The following SARDH variants were observed in gnomAD, a reference collection of about 807,000 sequenced individuals.
SARDH encodes the protein sarcosine dehydrogenase, mitochondrial.
In SARDH, 95 loss-of-function variants were observed where a neutral mutation model predicts 109.1. That is an observed-to-expected ratio of 0.87 (90% confidence interval 0.74 to 1.03). The LOEUF (loss-of-function observed/expected upper bound fraction) is 1.03. SARDH is among the 50% of genes least tolerant of loss of function. SARDH has a pLI of 0.00. For missense variants in SARDH, 1,267 were observed against 1,287.8 expected (o/e 0.98, Z 0.25); for synonymous variants, 572 against 534.8 (o/e 1.07, Z -0.96).
Position 133,714,029 on chromosome 9 carries a change from C to T in SARDH, c.1151-905G>A, listed in dbSNP as rs112180899. 3.3e-3 allele frequency among the ~76,000 whole-genome samples: 497 copies of T among 152,334 alleles called. 3 individuals carry two copies. Among genetic ancestry groups the T allele is most frequent in the African/African-American group, 0.011 (468 of 41,578 alleles). ...AAAATACGATGAACTGAGGGCCACGCGTCACTGAGGTGCCAGCTGCTACTG... is the reference window on the plus strand; with the variant it reads ...AAAATACGATGAACTGAGGGCCACGTGTCACTGAGGTGCCAGCTGCTACTG... On this transcript the variant is annotated intron_variant, in intron 8 of 20. Coordinates refer to ENST00000439388, the MANE Select transcript of SARDH (RefSeq NM_001134707.2).
chr9:133,661,497 T>C (rs1469075413), downstream of SARDH, among the ~76,000 whole-genome samples: 2 of 152,074 alleles, frequency 1.3e-5, no homozygotes, highest in Non-Finnish European at 2.9e-5. Flanking sequence ...TTTGTTGTTT[T>C]TGAGACAGAG....
intron 12 of SARDH, 141 bp from the exon 13 acceptor site, chr9:133,703,170 T>C: frequency 1.4e-6 from 1 of 707,204 alleles, no homozygotes; most frequent in Non-Finnish European, 2.4e-6. Context: ...GCCCGTGTGT[T>C]GTGGACGCGG....
chr9:133,667,187 A>C, intron 19 of SARDH: 1 of 497,814 alleles, frequency 2.0e-6, no homozygotes, highest in Non-Finnish European at 3.5e-6. Flanking sequence ...ATTGTTGTTC[A>C]ACTCTGGTTT....
intron 6 of SARDH, among the ~76,000 whole-genome samples, chr9:133,726,564 G>A (rs372230098): frequency 6.6e-6 from 1 of 152,010 alleles, no homozygotes; most frequent in East Asian, 1.9e-4. Context: ...CCTGCCCCTT[G>A]CACAGATCCT....
At chr9:133,699,993 A>G (rs1831423584) in intron 13 of SARDH, among the ~76,000 whole-genome samples, 1 of 152,358 alleles carries the variant, frequency 6.6e-6, no homozygotes, top group Middle Eastern at 3.4e-3. Context: ...GGATGAGTAA[A>G]ATATGATGGG....
chr9:133,722,499 G>A (rs1319555635), intron 6 of SARDH, among the ~76,000 whole-genome samples: 2 of 152,142 alleles, frequency 1.3e-5, no homozygotes, highest in African/African-American at 2.4e-5. Context: ...TTACATTGGA[G>A]GTTTTAGCCA....
chr9:133,739,924 C>T (rs1047672947), upstream of SARDH: 1 of 152,300 alleles, frequency 6.6e-6, no homozygotes, highest in African/African-American at 2.4e-5. Context: ...CCACACTTCT[C>T]CTGTCCCTGC....
chr9:133,732,333 C>T (rs999874329), intron 3 of SARDH, 90 bp downstream of exon 3: 2 of 1,080,270 alleles, frequency 1.9e-6, no homozygotes, highest in Non-Finnish European at 2.6e-6. Flanking sequence ...CCTACCCCCC[C>T]ACAGGGGGTG....
Position 133,718,813 on chromosome 9 carries a change from G to A in SARDH, c.1020+125C>T. ...GGCTTTGAGCTTGGTGGGGTCAGGG[G>A]ACCGGCCACTTCTCAGGTGTGCCTC... On this transcript the variant is annotated intron_variant, in intron 7 of 20. Coordinates refer to ENST00000439388, the MANE Select transcript of SARDH (RefSeq NM_001134707.2). This position sits in a 1 kb window ranked among gnomAD's most constrained non-coding sequence, Gnocchi z 4.2. 5 of 840,106 alleles carry A rather than the reference G, an allele frequency of 6.0e-6. No individual in the cohort carries two copies. Among genetic ancestry groups the A allele is most frequent in the South Asian group, 4.0e-5 (3 of 75,510 alleles). 52.0% of individuals were successfully genotyped at this position (840,106 alleles called of 1,614,324 possible). A position where few individuals can be genotyped will look rare whatever the true frequency, so the allele number is the denominator to read the frequency against.
chr9:133,735,818 C>T (rs1343563648), intron 1 of SARDH, among the ~76,000 whole-genome samples: 13 of 152,136 alleles, frequency 8.5e-5, no homozygotes, highest in African/African-American at 2.2e-4. Context: ...CCGAGGCAGG[C>T]GGATCACCTG....
chr9:133,696,326 G>A lies in SARDH; in HGVS notation c.1704C>T (p.Ala568=), dbSNP rs35013479. Residue 568 remains alanine (A), a synonymous_variant, in exon 14 of 21, where the codon GCC becomes GCT. Coordinates refer to ENST00000439388, the MANE Select transcript of SARDH (RefSeq NM_001134707.2). The part of the protein sequence containing the change: ...KKECLACRGA[A]AVFDMSYFGK... ...CGAAGTAGGACATGTCAAACACAGCGGCGGCCCCTCTGCAGGCCAGGCACT... is the reference window on the plus strand; with the variant it reads ...CGAAGTAGGACATGTCAAACACAGCAGCGGCCCCTCTGCAGGCCAGGCACT... The A allele has an allele frequency of 2.1e-3, 3,343 of 1,614,112 alleles. 74 individuals carry two copies. The African/African-American group carries it at 0.039, about 19-fold the overall frequency.
At position 133,717,417 on chromosome 9, in the gene SARDH, G is replaced by A; in HGVS notation, c.1059C>T (p.Asp353=). Residue 353 remains aspartate, a synonymous_variant, in exon 8 of 21, where the codon GAC becomes GAT. Transcript: ENST00000439388. ...CAATGTGCTGGGTGAACACCTCCCA[G>A]TCCAGGTCAAAGAGGCCGAAGGCAA... is the stretch of plus-strand genomic sequence containing the variant. ...DKFAFGLFDL[D]WEVFTQHIEG... 1 of 1,614,106 alleles carries A rather than the reference G, an allele frequency of 6.2e-7. No individual in the cohort carries two copies. Among genetic ancestry groups the A allele is most frequent in the Non-Finnish European group, 8.5e-7 (1 of 1,179,990 alleles).
At position 133,670,940 on chromosome 9, in the gene SARDH, C is replaced by T. The variant is rs1199898949; in HGVS notation, c.2327-188G>A. ...AGGTTCCCTGGGGCGACCGCTCCCCCGAGCAGACTGCCCATCAGCACTGCA... is the reference window on the plus strand; with the variant it reads ...AGGTTCCCTGGGGCGACCGCTCCCCTGAGCAGACTGCCCATCAGCACTGCA... On this transcript the variant is annotated intron_variant, in intron 18 of 20. Transcript: ENST00000439388. Among the ~76,000 whole-genome samples, 5 of 152,268 alleles carry T rather than the reference C, an allele frequency of 3.3e-5. 1 individual carries two copies. The East Asian group carries it at 5.8e-4, about 18-fold the overall frequency.
intron 1 of SARDH, among the ~76,000 whole-genome samples, chr9:133,737,306 T>TTGC (rs1832917738): frequency 2.0e-5 from 3 of 152,188 alleles, no homozygotes; most frequent in Non-Finnish European, 4.4e-5. Flanking sequence ...TGCAGCGGCG[T>TTGC]AGGGGAGTGA....
Position 133,712,772 on chromosome 9 carries a change from C to T in SARDH, c.1238-63G>A. 6.8e-7 allele frequency: 1 copy of T among 1,461,804 alleles called. No homozygotes were observed. Among genetic ancestry groups the T allele is most frequent in the South Asian group, 1.1e-5 (1 of 87,120 alleles). The allele number at this position is 1,461,804 out of a possible 1,614,324, so 90.6% of individuals were successfully genotyped here. A position where few individuals can be genotyped will look rare whatever the true frequency, so the allele number is the denominator to read the frequency against. On this transcript the variant is annotated intron_variant, in intron 9 of 20. Transcript: ENST00000439388. This position sits in a 1 kb window ranked among gnomAD's most constrained non-coding sequence, Gnocchi z 4.1. ...CCAGGGTCCCCCACCCATGTCCAAA[C>T]ATGTGCCCCCATCTCCACGGACAGC...
chr9:133,716,568 C>CCCA (rs1251416490), intron 8 of SARDH, among the ~76,000 whole-genome samples: 1 of 151,328 alleles, frequency 6.6e-6, no homozygotes, highest in Non-Finnish European at 1.5e-5. Flanking sequence ...CAGCCTCAGC[C>CCCA]CCACACCCGC....
chr9:133,705,097 C>T, intron 11 of SARDH, 66 bp from the exon 12 acceptor site: 2 of 1,444,870 alleles, frequency 1.4e-6, no homozygotes, highest in South Asian at 1.2e-5. Flanking sequence ...GGGCAGAGAG[C>T]CACATCCGCC....
intron 6 of SARDH, among the ~76,000 whole-genome samples, chr9:133,729,293 C>A (rs1832593647): frequency 6.6e-6 from 1 of 152,014 alleles, no homozygotes; most frequent in African/African-American, 2.4e-5. Context: ...AGGCACCCAG[C>A]CCCAGGTGCC....
chr9:133,685,077 A>G, intron 17 of SARDH, 116 bp downstream of exon 17: 1 of 796,510 alleles, frequency 1.3e-6, no homozygotes, highest in Non-Finnish European at 2.0e-6. Context: ...TTGGGGACCG[A>G]GGCCCAGGGA....
Sources: gnomAD v4.1 joint callset for allele counts (sites outside exome capture counted in the v4.1 genomes callset) on GRCh38, gnomAD v4.1.1 for gene constraint, Gnocchi (gnomAD v3.1) non-coding constraint, MANE v1.5 for transcripts, NCBI Gene and HGNC (gene_info 2026-07-23, HGNC 2026-07-21) for gene names.